FBLN1: variants seen among roughly 807,000 people sequenced by gnomAD.
FBLN1 encodes the protein fibulin-1.
A neutral mutation model predicts 89.7 loss-of-function variants in FBLN1; 34 were observed. That is an observed-to-expected ratio of 0.38 (90% CI 0.29 to 0.50). The LOEUF (loss-of-function observed/expected upper bound fraction) is 0.50. Ranked by LOEUF, FBLN1 falls within the 20% of genes least tolerant of loss-of-function variation. The pLI is 0.92. For missense variants in FBLN1, 777 were observed against 988.1 expected (o/e 0.79, Z 2.86); for synonymous variants, 393 against 391.3 (o/e 1.00, Z -0.05).
intron 14 of FBLN1, among the ~76,000 whole-genome samples, chr22:45,567,755 C>T (rs114022624): frequency 8.6e-4 from 131 of 152,088 alleles, no homozygotes; most frequent in African/African-American, 3.0e-3. Context: ...CATTTACAAA[C>T]GAAACAAGGT....
rs751777083 is a variant in FBLN1, at chr22:45,574,614, A to G, written c.1801A>G (p.Ile601Val). ...DPVHTISHTVISLPTFREFTR... is the reference protein window; with the variant it reads ...DPVHTISHTVVSLPTFREFTR... ...CGTGCACACCATCTCCCACACCGTC[A>G]TCTCGCTGCCTACCTTCCGCGAGTT... is the stretch of plus-strand genomic sequence containing the variant. The change falls in exon 15 of 17, where the codon ATC becomes GTC. Residue 601 changes from isoleucine (I) to valine (V), a missense_variant. Coordinates refer to ENST00000327858, the MANE Select transcript of FBLN1 (RefSeq NM_006486.3). The surrounding 1 kb of genome is among the most constrained non-coding windows in gnomAD (Gnocchi z 4.1). 20 of 1,613,992 alleles carry G rather than the reference A, an allele frequency of 1.2e-5. No individual in the cohort carries two copies. The African/African-American group carries it at 2.5e-4, about 20-fold the overall frequency.
chr22:45,571,139 AAG>A (rs2088950549), intron 14 of FBLN1, among the ~76,000 whole-genome samples: 2 of 150,734 alleles, frequency 1.3e-5, no homozygotes, highest in African/African-American at 4.9e-5. Context: ...AAAAAAAAGA[AAG>A]AAAGAAAAGG....
intron 16 of FBLN1, among the ~76,000 whole-genome samples, chr22:45,589,074 TAAAA>T (rs2089112958): frequency 2.0e-5 from 1 of 49,310 alleles, no homozygotes; most frequent in Non-Finnish European, 6.8e-5. Context: ...TTTTTATATA[TAAAA>T]ATATTTTTTA....
intron 9 of FBLN1, among the ~76,000 whole-genome samples, chr22:45,541,872 G>T (rs1038629396): frequency 6.6e-6 from 1 of 152,188 alleles, no homozygotes; most frequent in Non-Finnish European, 1.5e-5. Flanking sequence ...AGCCTTCCTC[G>T]CATAACCCCC....
intron 1 of FBLN1, among the ~76,000 whole-genome samples, chr22:45,514,832 A>G (rs2088148504): frequency 6.6e-6 from 1 of 152,132 alleles, no homozygotes; most frequent in East Asian, 1.9e-4. Flanking sequence ...AAGAAAGAAC[A>G]GTGTTGGAGG....
intron 14 of FBLN1, chr22:45,566,014 A>G (rs1476000065): frequency 6.5e-6 from 1 of 153,442 alleles, no homozygotes; most frequent in South Asian, 2.0e-4. Context: ...GTGAGCTGAG[A>G]TCGGAGTATG....
At chr22:45,508,286 CT>C (rs1350335831) in intron 1 of FBLN1, among the ~76,000 whole-genome samples, 1 of 129,140 alleles carries the variant, frequency 7.7e-6, no homozygotes, top group Non-Finnish European at 1.6e-5. Context: ...CCTCGCGTAT[CT>C]TTTTTTTTGA....
At position 45,536,282 on chromosome 22, in the gene FBLN1, GGAGT is replaced by G. The variant is rs2088481668; in HGVS notation, c.922+951_922+954del. ...CGGGGCTGGGCAGGGTGGGGGATGGGGAGTGAGTGTTTCCTGGGCGCAGAGTTTC... is the reference window on the plus strand; with the variant it reads ...CGGGGCTGGGCAGGGTGGGGGATGGGGAGTGTTTCCTGGGCGCAGAGTTTC... On this transcript the variant is annotated intron_variant, in intron 8 of 16. Transcript: ENST00000327858. This position sits in a 1 kb window ranked among gnomAD's most constrained non-coding sequence, Gnocchi z 5.1. Among the ~76,000 whole-genome samples the G allele has an allele frequency of 6.6e-6, 1 of 152,204 alleles. No homozygotes were observed. The highest frequency in any genetic ancestry group is 6.5e-5 in the Admixed American group (1 of 15,278).
chr22:45,502,979 G>A lies in FBLN1; in HGVS notation c.-7G>A, dbSNP rs1213945858. ...CGCCGCCGCCCACCGCCCGTCGCCC[G>A]CCGCCCATGGAGCGCGCCGCGCCGT... On this transcript the variant is annotated 5_prime_UTR_variant, in exon 1 of 17. Coordinates refer to ENST00000327858, the MANE Select transcript of FBLN1 (RefSeq NM_006486.3). The A allele has an allele frequency of 8.4e-7, 1 of 1,186,926 alleles. No homozygotes were observed. The highest frequency in any genetic ancestry group is 1.0e-6 in the Non-Finnish European group (1 of 958,648). 73.5% of individuals were successfully genotyped at this position (1,186,926 alleles called of 1,614,324 possible).
At chr22:45,544,806 C>T (rs2088605268) in intron 11 of FBLN1, among the ~76,000 whole-genome samples, 1 of 152,150 alleles carries the variant, frequency 6.6e-6, no homozygotes, top group Non-Finnish European at 1.5e-5. Context: ...CAGATAACAC[C>T]AACCTCCTGG....
At chr22:45,558,435 C>T (rs1243666863) in intron 14 of FBLN1, 3 of 170,044 alleles carry the variant, frequency 1.8e-5, no homozygotes, top group East Asian at 3.3e-4. Flanking sequence ...GGGCCTTGCT[C>T]CGAAAGCCTA....
intron 12 of FBLN1, among the ~76,000 whole-genome samples, chr22:45,548,247 C>G (rs1224870319): frequency 1.3e-5 from 2 of 152,116 alleles, no homozygotes; most frequent in East Asian, 3.9e-4. Context: ...CACAGGGTCT[C>G]ACTTTGTTGC....
rs747088630 is a variant in FBLN1, at chr22:45,537,234, G to A, written c.922+1897G>A. Among the ~76,000 whole-genome samples the A allele has an allele frequency of 7.9e-5, 12 of 152,186 alleles. No individual in the cohort carries two copies. Among genetic ancestry groups the A allele is most frequent in the Non-Finnish European group, 1.3e-4 (9 of 68,038 alleles). On this transcript the variant is annotated intron_variant, in intron 8 of 16. Transcript: ENST00000327858. This position sits in a 1 kb window ranked among gnomAD's most constrained non-coding sequence, Gnocchi z 5.7. ...GCTTCGATTTCAACTTTTCCTTAGC[G>A]AAATCTGTATTGATCATTTATTTGA...
At chr22:45,566,421 C>T (rs1194943729) in intron 14 of FBLN1, among the ~76,000 whole-genome samples, 1 of 152,210 alleles carries the variant, frequency 6.6e-6, no homozygotes, top group Non-Finnish European at 1.5e-5. Context: ...CCTGAGTGCT[C>T]ACCCCTGTCC....
At position 45,503,082 on chromosome 22, in the gene FBLN1, C is replaced by T; in HGVS notation, c.79+18C>T. Reference sequence around the variant, plus strand: ...GGCCGGAGGTAGGGGCGTCCCGGGTCCGCCGCCCCAGCTTAGGGTCCCGAC... The same window carrying T: ...GGCCGGAGGTAGGGGCGTCCCGGGTTCGCCGCCCCAGCTTAGGGTCCCGAC... On this transcript the variant is annotated intron_variant, in intron 1 of 16. Transcript: ENST00000327858. 2 of 1,232,130 alleles carry T rather than the reference C, an allele frequency of 1.6e-6. No homozygotes were observed. Among genetic ancestry groups the T allele is most frequent in the Non-Finnish European group, 2.0e-6 (2 of 987,086 alleles). 76.3% of individuals were successfully genotyped at this position (1,232,130 alleles called of 1,614,324 possible). A position where few individuals can be genotyped will look rare whatever the true frequency, so the allele number is the denominator to read the frequency against.
rs570668847 is a variant in FBLN1 at position 45,549,035 on chromosome 22, C to T, written c.1573+291C>T. Among the ~76,000 whole-genome samples the T allele has an allele frequency of 3.9e-5, 6 of 152,302 alleles. No homozygotes were observed. The highest frequency in any genetic ancestry group is 4.1e-4 in the South Asian group (2 of 4,826). On this transcript the variant is annotated intron_variant, in intron 13 of 16. Coordinates refer to ENST00000327858, the MANE Select transcript of FBLN1 (RefSeq NM_006486.3). The surrounding 1 kb of genome is among the most constrained non-coding windows in gnomAD (Gnocchi z 5.7). ...CCTCCTCCCCTCCCCTCAGCAGCCC[C>T]GTAAAGGCTGGAACAGAGGCCTTTA...
At position 45,600,529 on chromosome 22, in the gene FBLN1, C is replaced by T; in HGVS notation, c.*83C>T. On this transcript the variant is annotated 3_prime_UTR_variant, in exon 17 of 17. Coordinates refer to ENST00000327858, the MANE Select transcript of FBLN1 (RefSeq NM_006486.3). ...GACTGTGGTCTGTACTTGTTTATACCCTCAGACTTTTTTAATGTTAGGTAT... is the reference window on the plus strand; with the variant it reads ...GACTGTGGTCTGTACTTGTTTATACTCTCAGACTTTTTTAATGTTAGGTAT... 9.2e-6 allele frequency: 14 copies of T among 1,516,752 alleles called. No homozygotes were observed. Among genetic ancestry groups the T allele is most frequent in the Non-Finnish European group, 1.2e-5 (13 of 1,092,174 alleles). The allele number at this position is 1,516,752 out of a possible 1,614,324, so 94.0% of individuals were successfully genotyped here. A position where few individuals can be genotyped will look rare whatever the true frequency, so the allele number is the denominator to read the frequency against.
In FBLN1 at chr22:45,600,592, A is replaced by C; in HGVS notation, c.*146A>C. 2.2e-6 allele frequency: 2 copies of C among 911,502 alleles called. No individual in the cohort carries two copies. Among genetic ancestry groups the C allele is most frequent in the Non-Finnish European group, 3.6e-6 (2 of 550,968 alleles). 56.5% of individuals were successfully genotyped at this position (911,502 alleles called of 1,614,324 possible). ...GCCAACATGTATTAAGCTGAGCCAG[A>C]TGAATAAGTCCATCTGATGTATTTT... On this transcript the variant is annotated 3_prime_UTR_variant, in exon 17 of 17. Transcript: ENST00000327858.
At position 45,528,227 on chromosome 22, in the gene FBLN1, G is replaced by C. The variant is rs564158953; in HGVS notation, c.484+218G>C. ...AAAGGCAGTGTGCTGGCAGAACGCC[G>C]CCTTTCCCGGGGAGGCCAGTCTTTT... On this transcript the variant is annotated intron_variant, in intron 4 of 16. Transcript: ENST00000327858. Among the ~76,000 whole-genome samples the C allele has an allele frequency of 2.6e-5, 4 of 152,318 alleles. No homozygotes were observed. In the East Asian group the frequency reaches 7.7e-4, roughly 29 times the overall value.
Sources: gnomAD v4.1 joint callset for allele counts (sites outside exome capture counted in the v4.1 genomes callset) on GRCh38, gnomAD v4.1.1 for gene constraint, Gnocchi (gnomAD v3.1) non-coding constraint, MANE v1.5 for transcripts, NCBI Gene and HGNC (gene_info 2026-07-23, HGNC 2026-07-21) for gene names.